Variants in RASGRF2 observed in about 807,000 individuals in gnomAD.
RASGRF2 encodes the protein ras-specific guanine nucleotide-releasing factor 2.
RASGRF2 carries 76 observed loss-of-function variants against 151.0 expected under a neutral mutation model. The observed-to-expected ratio is 0.50, with a 90% CI of 0.42 to 0.61. The LOEUF is 0.61. Among genes scored for constraint, RASGRF2 ranks in the 20% least tolerant of loss-of-function variants. The pLI is 0.00. For synonymous variants in RASGRF2, 504 were observed against 566.5 expected (o/e 0.89, Z 1.57); for missense variants, 1,148 against 1,564.6 (o/e 0.73, Z 4.49).
rs772550954 is a variant in RASGRF2 at position 81,073,247 on chromosome 5, A to G, written c.682A>G (p.Ile228Val). Residue 228 changes from isoleucine (I) to valine (V), a missense_variant, in exon 5 of 27, where the codon ATC becomes GTC. Around this residue, in one of 5 missense-constraint regions of RASGRF2, gnomAD observed 176 missense variants for 309.6 expected, o/e 0.57. Coordinates refer to ENST00000265080, the MANE Select transcript of RASGRF2 (RefSeq NM_006909.3). Reference protein sequence around the residue: ...GWLCRRKWKTIVQDYICSPHA... With the variant: ...GWLCRRKWKTVVQDYICSPHA... ...GTTGTGCAGAAGGAAATGGAAGACCATCGTGCAGGATTACATTTGTTCTCC... is the reference window on the plus strand; with the variant it reads ...GTTGTGCAGAAGGAAATGGAAGACCGTCGTGCAGGATTACATTTGTTCTCC... 4 of 1,613,960 alleles carry G rather than the reference A, an allele frequency of 2.5e-6. No homozygotes were observed. The highest frequency in any genetic ancestry group is 1.1e-5 in the South Asian group (1 of 91,082).
At chr5:81,048,869 T>TA (rs1750919911) in intron 2 of RASGRF2, among the ~76,000 whole-genome samples, 3 of 152,288 alleles carry the variant, frequency 2.0e-5, no homozygotes, top group African/African-American at 7.2e-5. Context: ...TCTCCTGTCT[T>TA]GTAAGAGAAA....
chr5:81,167,658 C>T (rs1340693080), intron 17 of RASGRF2, among the ~76,000 whole-genome samples: 3 of 152,112 alleles, frequency 2.0e-5, no homozygotes, highest in African/African-American at 7.2e-5. Context: ...GCAGGGATGC[C>T]GTCACTCTGA....
At chr5:81,149,277 C>T (rs1274742094) in intron 17 of RASGRF2, among the ~76,000 whole-genome samples, 1 of 152,142 alleles carries the variant, frequency 6.6e-6, no homozygotes, top group Admixed American at 6.5e-5. Context: ...TATATATGCA[C>T]CATGGAAAAC....
intron 1 of RASGRF2, among the ~76,000 whole-genome samples, chr5:81,018,374 T>C (rs1217979541): frequency 2.0e-5 from 3 of 152,144 alleles, no homozygotes; most frequent in Non-Finnish European, 4.4e-5. Flanking sequence ...GTTCTCTCTC[T>C]CCCATTTGCT....
At chr5:81,200,946 TG>T (rs1755374489) in intron 18 of RASGRF2, among the ~76,000 whole-genome samples, 1 of 151,614 alleles carries the variant, frequency 6.6e-6, no homozygotes, top group South Asian at 2.1e-4. Flanking sequence ...GGGGGCGTGG[TG>T]TGTGTTGGGG....
chr5:81,201,631 C>T (rs1012736692), intron 19 of RASGRF2, among the ~76,000 whole-genome samples, 189 bp downstream of exon 19: 11 of 152,076 alleles, frequency 7.2e-5, no homozygotes, highest in African/African-American at 1.7e-4. Context: ...AGACTCGGGA[C>T]GGGGTGGTAT....
Position 81,165,015 on chromosome 5 carries a change from A to C in RASGRF2, c.2687-15160A>C, listed in dbSNP as rs56263348. Among the ~76,000 whole-genome samples the C allele has an allele frequency of 5.3e-5, 8 of 152,374 alleles. No individual in the cohort carries two copies. In the South Asian group the frequency reaches 1.5e-3, roughly 28 times the overall value. On this transcript the variant is annotated intron_variant, in intron 17 of 26. Coordinates refer to ENST00000265080, the MANE Select transcript of RASGRF2 (RefSeq NM_006909.3). ...AGAGACATGAAAGACAGGCGGAGCC[A>C]ATCCGCAGCCTGCCAGTGTGGAGGG...
intron 12 of RASGRF2, among the ~76,000 whole-genome samples, chr5:81,099,492 T>TA (rs1218719682): frequency 6.6e-6 from 1 of 152,220 alleles, no homozygotes; most frequent in East Asian, 1.9e-4. Context: ...GGTGTATAGT[T>TA]AGAGTATAAG....
chr5:81,107,196 CAAA>C lies in RASGRF2; in HGVS notation c.1756-1783_1756-1781del, dbSNP rs35987554. Among the ~76,000 whole-genome samples, 516 of 94,278 alleles carry C rather than the reference CAAA, an allele frequency of 5.5e-3. 5 individuals are homozygous for C. Among genetic ancestry groups the C allele is most frequent in the African/African-American group, 0.021 (497 of 23,770 alleles). 61.9% of individuals were successfully genotyped at this position (94,278 alleles called of 152,430 possible). On this transcript the variant is annotated intron_variant, in intron 12 of 26. Transcript: ENST00000265080. ...ATAACATAGCACGAACCTGTCTCTA[CAAA>C]AAAAAAAAAAAAAAAATCTCACTGT...
At chr5:80,996,457 G>A (rs917826564) in intron 1 of RASGRF2, among the ~76,000 whole-genome samples, 24 of 115,240 alleles carry the variant, frequency 2.1e-4, no homozygotes, top group African/African-American at 7.7e-4. Context: ...AGGATACTTG[G>A]AAAATGTGTA....
chr5:81,102,406 T>A (rs1752720946), intron 12 of RASGRF2, among the ~76,000 whole-genome samples: 1 of 152,184 alleles, frequency 6.6e-6, no homozygotes, highest in African/African-American at 2.4e-5. Context: ...TTTTTAAAAA[T>A]GAATGTGGCC....
intron 17 of RASGRF2, among the ~76,000 whole-genome samples, chr5:81,139,344 A>G (rs1161502151): frequency 6.6e-6 from 1 of 151,464 alleles, no homozygotes; most frequent in East Asian, 1.9e-4. Flanking sequence ...CTGTGAATAA[A>G]GATAGTTTTA....
chr5:80,983,516 G>A (rs904936109), intron 1 of RASGRF2, among the ~76,000 whole-genome samples: 4 of 152,218 alleles, frequency 2.6e-5, no homozygotes, highest in South Asian at 2.1e-4. Flanking sequence ...TGGGCAGCCC[G>A]CCCTAGGCAA....
intron 1 of RASGRF2, among the ~76,000 whole-genome samples, chr5:80,975,863 T>C (rs1748094749): frequency 6.6e-6 from 1 of 151,908 alleles, no homozygotes; most frequent in Non-Finnish European, 1.5e-5. Context: ...CTTTTTTTTT[T>C]TTTTTTTGAG....
rs1037240654 is a variant in RASGRF2, at chr5:81,147,663, G to C, written c.2686+20500G>C. 5.9e-5 allele frequency among the ~76,000 whole-genome samples: 9 copies of C among 152,286 alleles called. No individual in the cohort carries two copies. In the South Asian group the frequency reaches 6.2e-4, roughly 11 times the overall value. Reference sequence around the variant, plus strand: ...CTGTCTCCTTTTTCAGATATTACTGGATCATCAGCTGTAAAGGCTCTATGT... The same window carrying C: ...CTGTCTCCTTTTTCAGATATTACTGCATCATCAGCTGTAAAGGCTCTATGT... On this transcript the variant is annotated intron_variant, in intron 17 of 26. Coordinates refer to ENST00000265080, the MANE Select transcript of RASGRF2 (RefSeq NM_006909.3).
chr5:80,968,757 T>TA (rs1747805785), intron 1 of RASGRF2, among the ~76,000 whole-genome samples: 1 of 151,430 alleles, frequency 6.6e-6, no homozygotes, highest in Non-Finnish European at 1.5e-5. Flanking sequence ...AGTCATAGCT[T>TA]ACTGAAGCCT....
intron 1 of RASGRF2, among the ~76,000 whole-genome samples, chr5:81,024,983 G>T (rs1270196699): frequency 3.9e-5 from 6 of 152,202 alleles, no homozygotes; most frequent in Non-Finnish European, 7.3e-5. Flanking sequence ...TCCAAGTTGG[G>T]ACCCATCCAG....
At chr5:81,081,660 C>A (rs751534110) in intron 7 of RASGRF2, among the ~76,000 whole-genome samples, 2 of 152,178 alleles carry the variant, frequency 1.3e-5, no homozygotes, top group African/African-American at 2.4e-5. Flanking sequence ...TACTGTGGAG[C>A]GCTTTGTCCT....
chr5:80,992,866 C>T (rs1269181947), intron 1 of RASGRF2, among the ~76,000 whole-genome samples: 1 of 152,170 alleles, frequency 6.6e-6, no homozygotes, highest in East Asian at 1.9e-4. Flanking sequence ...CTAGAAGATG[C>T]TATTTACTTG....
Sources: allele counts gnomAD v4.1 joint callset (sites outside exome capture counted in the v4.1 genomes callset), GRCh38; gene constraint gnomAD v4.1.1; regional missense constraint gnomAD v4.1.1; transcripts MANE v1.5; gene names NCBI Gene and HGNC (gene_info 2026-07-23, HGNC 2026-07-21).